Variants in PLEKHG5 observed in about 807,000 individuals in gnomAD.
The protein encoded by PLEKHG5 is pleckstrin homology and RhoGEF domain containing G5.
Under a neutral mutation model 103.8 loss-of-function variants are expected in PLEKHG5, and 52 were observed. The observed-to-expected ratio is 0.50, with a 90% confidence interval of 0.40 to 0.63. PLEKHG5 has a LOEUF of 0.63. PLEKHG5 is among the 30% of genes least tolerant of loss of function. The probability of loss-of-function intolerance (pLI) is 0.00; values close to 1 mark genes in which losing one functional copy is unlikely to be tolerated. For missense variants in PLEKHG5, 1,205 were observed against 1,347.6 expected (o/e 0.89, Z 1.66); for synonymous variants, 592 against 575.5 (o/e 1.03, Z -0.41).
At chr1:6,484,351 A>T (rs1445540101) in intron 1 of PLEKHG5, among the ~76,000 whole-genome samples, 3 of 152,100 alleles carry the variant, frequency 2.0e-5, no homozygotes, top group Non-Finnish European at 4.4e-5. Context: ...GGCCCGGCTG[A>T]CCTCATCTGC....
At position 6,471,080 on chromosome 1, in the gene PLEKHG5, G is replaced by C. The variant is rs755428930; in HGVS notation, c.1302C>G (p.Pro434=). The part of the protein sequence containing the change: ...GFKMFGSLFK[P]YIRYCMEEEG... Reference sequence around the variant, plus strand: ...CCTCCTCCATGCAGTAGCGGATGTAGGGCTTGAAGAGCGAGCCGAACTGGC... The same window carrying C: ...CCTCCTCCATGCAGTAGCGGATGTACGGCTTGAAGAGCGAGCCGAACTGGC... The change falls in exon 13 of 21, where the codon CCC becomes CCG. Residue 434 remains proline (P), a synonymous_variant. Transcript: ENST00000377728. The C allele has an allele frequency of 6.3e-7, 1 of 1,591,892 alleles. No individual in the cohort carries two copies.
At chr1:6,516,786 T>TGTA (rs200942738) in intron 1 of PLEKHG5, among the ~76,000 whole-genome samples, 1,150 of 85,268 alleles carry the variant, frequency 0.013, 9 homozygotes, top group African/African-American at 0.026. Flanking sequence ...TGTGTGTGTG[T>TGTA]TATATATATG....
At chr1:6,485,986 C>G (rs866867084) in intron 1 of PLEKHG5, 2 of 795,652 alleles carry the variant, frequency 2.5e-6, no homozygotes, top group Non-Finnish European at 3.0e-6. Context: ...CACCCCCCCC[C>G]ACCTTGGAGA....
chr1:6,496,695 C>T lies in PLEKHG5; in HGVS notation c.-179G>A, dbSNP rs913687905. The T allele has an allele frequency of 1.7e-5, 11 of 650,570 alleles. No homozygotes were observed. In the African/African-American group the frequency reaches 1.7e-4, roughly 10 times the overall value. The allele number at this position is 650,570 out of a possible 1,614,324, so 40.3% of individuals were successfully genotyped here. On this transcript the variant is annotated 5_prime_UTR_variant, in exon 1 of 21. Transcript: ENST00000377732. ...TCCTCCCTTCAAAAGAGGTCAGCGT[C>T]CCTTTCTCTTTTAAATGCCAACTTA...
In PLEKHG5 at chr1:6,470,215, G is replaced by T. The variant is rs777992657; in HGVS notation, c.1800+21C>A. 2.6e-5 allele frequency: 42 copies of T among 1,613,188 alleles called. 1 individual carries two copies. Among genetic ancestry groups the T allele is most frequent in the Middle Eastern group, 3.3e-4 (2 of 6,080 alleles). On this transcript the variant is annotated intron_variant, in intron 16 of 20. Transcript: ENST00000377728. ...TCCCTAGGAAGGGCAGGGCACAGGGGTGGGGTGGCCCTGGAATCACCTTGC... is the reference window on the plus strand; with the variant it reads ...TCCCTAGGAAGGGCAGGGCACAGGGTTGGGGTGGCCCTGGAATCACCTTGC...
At chr1:6,493,221 A>G (rs972151374), upstream of PLEKHG5, among the ~76,000 whole-genome samples, 3 of 152,150 alleles carry the variant, frequency 2.0e-5, no homozygotes, top group Admixed American at 1.3e-4. Context: ...CCTGGGGGGA[A>G]GTTTGGCCAG....
Position 6,468,308 on chromosome 1 carries a change from G to T in PLEKHG5, c.2528C>A (p.Ala843Asp). The change falls in exon 20 of 21, where the codon GCC becomes GAC. Residue 843 changes from alanine (A) to aspartate (D), a missense_variant. Coordinates refer to ENST00000377728, the MANE Select transcript of PLEKHG5 (RefSeq NM_020631.6). ...PGPMAELVPR[A>D]PESPRVPSPP... ...GGAAGGAACTCGTGGGGACTCTGGG[G>T]CCCGAGGCACTAGCTCTGCCATTGG... 2 of 1,609,710 alleles carry T rather than the reference G, an allele frequency of 1.2e-6. No individual in the cohort carries two copies. The highest frequency in any genetic ancestry group is 1.7e-6 in the Non-Finnish European group (2 of 1,178,546).
In PLEKHG5 at chr1:6,501,960, G is replaced by C. The variant is rs770006509; in HGVS notation, c.-164-5391C>G. 4.9e-4 allele frequency among the ~76,000 whole-genome samples: 74 copies of C among 152,270 alleles called. No individual in the cohort carries two copies. Among genetic ancestry groups the C allele is most frequent in the African/African-American group, 1.8e-3 (74 of 41,558 alleles). ...AAGAAAACAGGCCCTCCCTGCCCAC[G>C]ACCTCCCAACCACAGGCCTGGCCAT... On this transcript the variant is annotated intron_variant, in intron 1 of 21. Transcript: ENST00000377740. The surrounding 1 kb of genome is among the most constrained non-coding windows in gnomAD (Gnocchi z 4.3).
intron 1 of PLEKHG5, chr1:6,485,504 C>T: frequency 8.1e-7 from 1 of 1,235,466 alleles, no homozygotes; most frequent in East Asian, 3.2e-5. Flanking sequence ...GCCCCGCTTC[C>T]TGCCATTGTG....
In PLEKHG5 at chr1:6,467,126, G is replaced by A. The variant is rs1644403152; in HGVS notation, c.*437C>T. 6.4e-6 allele frequency: 2 copies of A among 311,022 alleles called. No individual in the cohort carries two copies. Among genetic ancestry groups the A allele is most frequent in the Admixed American group, 4.6e-5 (1 of 21,564 alleles). The allele number at this position is 311,022 out of a possible 1,614,324, so 19.3% of individuals were successfully genotyped here. ...AAAGCAAAGGACTCTTCCCAGTGGA[G>A]TCTAGACAAGTCTTTATAAAAGAAC... is the stretch of plus-strand genomic sequence containing the variant. On this transcript the variant is annotated 3_prime_UTR_variant, in exon 21 of 21. Transcript: ENST00000377728.
At position 6,470,541 on chromosome 1, in the gene PLEKHG5, C is replaced by G; in HGVS notation, c.1645G>C (p.Glu549Gln). ...AAVVSRIDAY[E>Q]VVESSSDEVD... The stretch of plus-strand genomic sequence containing the variant: ...TCGTCGCTGCTGCTTTCCACCACCT[C>G]GTAGGCGTCGATGCGGCTCACCACG... Residue 549 changes from glutamate to glutamine, a missense_variant, in exon 15 of 21, where the codon GAG becomes CAG. Physicochemically the swap from Glu to Gln is conservative, Grantham distance 29. Transcript: ENST00000377728. 2 of 1,607,300 alleles carry G rather than the reference C, an allele frequency of 1.2e-6. No individual in the cohort carries two copies. Among genetic ancestry groups the G allele is most frequent in the Non-Finnish European group, 1.7e-6 (2 of 1,179,828 alleles).
At chr1:6,499,772 A>T (rs1287882856), upstream of PLEKHG5, among the ~76,000 whole-genome samples, 1 of 152,100 alleles carries the variant, frequency 6.6e-6, no homozygotes, top group Non-Finnish European at 1.5e-5. Flanking sequence ...TACCCTGGAC[A>T]TAGCTGGGTT....
chr1:6,468,310 C>G lies in PLEKHG5; in HGVS notation c.2526G>C (p.Arg842=), dbSNP rs548804056. The change falls in exon 20 of 21, where the codon CGG becomes CGC. Residue 842 remains arginine, a synonymous_variant. Coordinates refer to ENST00000377728, the MANE Select transcript of PLEKHG5 (RefSeq NM_020631.6). ...APGPMAELVP[R]APESPRVPSP... ...AAGGAACTCGTGGGGACTCTGGGGC[C>G]CGAGGCACTAGCTCTGCCATTGGGC... is the stretch of plus-strand genomic sequence containing the variant. 1 of 1,609,718 alleles carries G rather than the reference C, an allele frequency of 6.2e-7. No homozygotes were observed. Among genetic ancestry groups the G allele is most frequent in the Non-Finnish European group, 8.5e-7 (1 of 1,178,560 alleles).
In PLEKHG5 at chr1:6,474,806, A is replaced by G; in HGVS notation, c.303-219T>C. 4.6e-6 allele frequency: 3 copies of G among 656,054 alleles called. No individual in the cohort carries two copies. The East Asian group carries it at 8.1e-5, about 18-fold the overall frequency. 40.6% of individuals were successfully genotyped at this position (656,054 alleles called of 1,614,324 possible). A position where few individuals can be genotyped will look rare whatever the true frequency, so the allele number is the denominator to read the frequency against. On this transcript the variant is annotated intron_variant, in intron 5 of 20. Transcript: ENST00000377728. ...CTGCATACCACGGCAGACCTGTCAC[A>G]CGCCTGCCCACACGCAGGCCTGGCT...
chr1:6,469,122 TTCCTCCTCCTCCTCCTCC>T lies in PLEKHG5; in HGVS notation c.2151_2168del (p.Glu718_Glu723del), dbSNP rs113541584. 1.3e-6 allele frequency: 2 copies of T among 1,590,502 alleles called. No homozygotes were observed. Among genetic ancestry groups the T allele is most frequent in the African/African-American group, 2.9e-5 (2 of 67,888 alleles). ...CAGCTGAAGTGCCACTGTCCTCGCCTTCCTCCTCCTCCTCCTCCTCCTCCTCTTCCTCCTCCTGCTCAT... is the reference window on the plus strand; with the variant it reads ...CAGCTGAAGTGCCACTGTCCTCGCCTTCCTCCTCTTCCTCCTCCTGCTCAT... On this transcript the variant is annotated inframe_deletion, in exon 19 of 21. Coordinates refer to ENST00000377728, the MANE Select transcript of PLEKHG5 (RefSeq NM_020631.6).
At chr1:6,517,267 A>C (rs1638651545) in intron 1 of PLEKHG5, among the ~76,000 whole-genome samples, 1 of 148,784 alleles carries the variant, frequency 6.7e-6, no homozygotes, top group African/African-American at 2.5e-5. Flanking sequence ...AGATCGCGCC[A>C]CTGCACTCCA....
chr1:6,479,863 G>C (rs112303516), intron 1 of PLEKHG5, among the ~76,000 whole-genome samples: 8 of 152,186 alleles, frequency 5.3e-5, no homozygotes, highest in African/African-American at 1.9e-4. Context: ...TGCCCGCCTT[G>C]ACCTCCCAAA....
intron 1 of PLEKHG5, among the ~76,000 whole-genome samples, chr1:6,504,205 C>A (rs1429078888): frequency 6.6e-6 from 1 of 152,148 alleles, no homozygotes; most frequent in Non-Finnish European, 1.5e-5. Context: ...CCGATCCCAC[C>A]CTCCGACTCC....
chr1:6,473,528 G>T (rs1644662843), intron 7 of PLEKHG5, 74 bp from the exon 8 acceptor site: 6 of 1,261,944 alleles, frequency 4.8e-6, no homozygotes, highest in African/African-American at 4.5e-5. Flanking sequence ...CGGGTTTCCA[G>T]GGCCTCAGGC....
Sources: allele counts gnomAD v4.1 joint callset (sites outside exome capture counted in the v4.1 genomes callset), GRCh38; gene constraint gnomAD v4.1.1; non-coding constraint Gnocchi (gnomAD v3.1); transcripts MANE v1.5; gene names NCBI Gene and HGNC (gene_info 2026-07-23, HGNC 2026-07-21).